COL4A3: variants seen among roughly 807,000 people sequenced by gnomAD.
COL4A3 encodes collagen alpha-3(IV) chain.
In COL4A3, 135 loss-of-function variants were observed where a neutral mutation model predicts 217.4. The ratio of observed to expected loss-of-function variants is 0.62; its 90% confidence interval spans 0.54 to 0.72. The LOEUF (loss-of-function observed/expected upper bound fraction) is 0.72, where lower values mean the gene tolerates loss of function less well. Among genes scored for constraint, COL4A3 ranks in the 30% least tolerant of loss-of-function variants. COL4A3 has a pLI of 0.00. For missense variants in COL4A3, 1,868 were observed against 2,119.9 expected, an observed-to-expected ratio of 0.88 and a Z score of 2.33; for synonymous variants, 690 against 736.3, an observed-to-expected ratio of 0.94 and a Z score of 1.02.
chr2:227,187,960 A>G (rs2066090967), intron 1 of COL4A3, among the ~76,000 whole-genome samples: 1 of 152,228 alleles, frequency 6.6e-6, no homozygotes, highest in African/African-American at 2.4e-5. Context: ...ATCACAGCAC[A>G]GTAGACTTGC....
At chr2:227,239,633 T>C (rs190614270) in intron 2 of COL4A3, among the ~76,000 whole-genome samples, 40 of 152,324 alleles carry the variant, frequency 2.6e-4, no homozygotes, top group African/African-American at 9.6e-4. Flanking sequence ...CTTTCCTGCA[T>C]CTCCTACACA....
rs192136928 is a variant in COL4A3, at chr2:227,199,724, C to T, written c.87+34911C>T. On this transcript the variant is annotated intron_variant, in intron 1 of 51. Coordinates refer to ENST00000396578, the MANE Select transcript of COL4A3 (RefSeq NM_000091.5). ...GACTAAACATTCATATCTGTGGCCC[C>T]AGCCCCAATTCAGTGAATCAGAATG... Among the ~76,000 whole-genome samples the T allele has an allele frequency of 7.4e-4, 113 of 152,302 alleles. 1 individual carries two copies. The highest frequency in any genetic ancestry group is 2.4e-3 in the African/African-American group (99 of 41,570).
intron 26 of COL4A3, among the ~76,000 whole-genome samples, chr2:227,274,387 T>C (rs939073896): frequency 1.3e-5 from 2 of 152,132 alleles, no homozygotes; most frequent in African/African-American, 4.8e-5. Context: ...ATGTTATAAA[T>C]GTATGCATCA....
intron 47 of COL4A3, among the ~76,000 whole-genome samples, chr2:227,306,505 T>A (rs528131806): frequency 6.6e-6 from 1 of 152,086 alleles, no homozygotes; most frequent in South Asian, 2.1e-4. Context: ...AAGAGAAAAA[T>A]GTGTCTCCCC....
intron 33 of COL4A3, 57 bp downstream of exon 33, chr2:227,283,913 T>C: frequency 6.9e-7 from 1 of 1,458,406 alleles, no homozygotes; most frequent in South Asian, 1.1e-5. Flanking sequence ...TTCATTTATT[T>C]TGCAGCAAAA....
chr2:227,273,185 G>T, intron 26 of COL4A3, 68 bp downstream of exon 26: 1 of 1,536,334 alleles, frequency 6.5e-7, no homozygotes, highest in Admixed American at 1.7e-5. Context: ...AGCTAACGAA[G>T]CTTCTCCAAG....
At chr2:227,197,204 G>C (rs1410421252) in intron 1 of COL4A3, among the ~76,000 whole-genome samples, 2 of 148,832 alleles carry the variant, frequency 1.3e-5, no homozygotes, top group Non-Finnish European at 2.9e-5. Flanking sequence ...CGGTTTTTTT[G>C]TTTTGTTTTG....
intron 1 of COL4A3, among the ~76,000 whole-genome samples, chr2:227,171,543 G>C (rs1400816325): frequency 6.6e-6 from 1 of 152,130 alleles, no homozygotes; most frequent in East Asian, 1.9e-4. Flanking sequence ...AGCTGTTGGC[G>C]TCTGTCTTAG....
At chr2:227,230,530 G>A (rs1002155570) in intron 1 of COL4A3, among the ~76,000 whole-genome samples, 2 of 151,948 alleles carry the variant, frequency 1.3e-5, no homozygotes, top group African/African-American at 4.8e-5. Context: ...TGGCCATCCT[G>A]GTTTTTTATG....
At chr2:227,244,289 G>A (rs1352588144) in intron 3 of COL4A3, 31 bp from the exon 4 acceptor site, 1 of 1,609,154 alleles carries the variant, frequency 6.2e-7, no homozygotes, top group Admixed American at 1.7e-5. Context: ...TTTTCAGAGT[G>A]TTTACTTTTT....
chr2:227,312,070 T>C lies in COL4A3; in HGVS notation c.*200T>C. 1 of 923,606 alleles carries C rather than the reference T, an allele frequency of 1.1e-6. No individual in the cohort carries two copies. The highest frequency in any genetic ancestry group is 1.6e-6 in the Non-Finnish European group (1 of 628,642). The allele number at this position is 923,606 out of a possible 1,614,324, so 57.2% of individuals were successfully genotyped here. A position where few individuals can be genotyped will look rare whatever the true frequency, so the allele number is the denominator to read the frequency against. On this transcript the variant is annotated 3_prime_UTR_variant, in exon 52 of 52. Coordinates refer to ENST00000396578, the MANE Select transcript of COL4A3 (RefSeq NM_000091.5). Reference sequence around the variant, plus strand: ...TGATCTGGGTCTCTAATCTGTGCTGTTTCAAAGTTCTCTGTGGCAAAGCAG... The same window carrying C: ...TGATCTGGGTCTCTAATCTGTGCTGCTTCAAAGTTCTCTGTGGCAAAGCAG...
rs1341847621 is a variant in COL4A3, at chr2:227,202,743, AAAAATATATAT to A, written c.88-35223_88-35213del. Among the ~76,000 whole-genome samples, 140 of 27,200 alleles carry A rather than the reference AAAAATATATAT, an allele frequency of 5.1e-3. 5 individuals carry two copies. Among genetic ancestry groups the A allele is most frequent in the East Asian group, 0.013 (8 of 630 alleles). The allele number at this position is 27,200 out of a possible 152,430, so 17.8% of individuals were successfully genotyped here. ...GTGCGAGAATCCGTCTCTAAAAAAAAAAAATATATATATATATATATATATATATCACATAT... is the reference window on the plus strand; with the variant it reads ...GTGCGAGAATCCGTCTCTAAAAAAAAATATATATATATATATATCACATAT... On this transcript the variant is annotated intron_variant, in intron 1 of 51. Coordinates refer to ENST00000396578, the MANE Select transcript of COL4A3 (RefSeq NM_000091.5).
At chr2:227,184,322 TCAG>T (rs2065947728) in intron 1 of COL4A3, among the ~76,000 whole-genome samples, 1 of 152,242 alleles carries the variant, frequency 6.6e-6, no homozygotes, top group Non-Finnish European at 1.5e-5. Flanking sequence ...TTATTGCTTA[TCAG>T]CAAACTGTGA....
At chr2:227,251,917 A>T (rs1232480057) in intron 11 of COL4A3, among the ~76,000 whole-genome samples, 2 of 151,742 alleles carry the variant, frequency 1.3e-5, no homozygotes, top group Admixed American at 6.6e-5. Flanking sequence ...AAAAATACAA[A>T]AATTAGCCGG....
chr2:227,267,479 T>A (rs1291458757), intron 23 of COL4A3, among the ~76,000 whole-genome samples: 1 of 152,236 alleles, frequency 6.6e-6, no homozygotes, highest in Non-Finnish European at 1.5e-5. Flanking sequence ...TTTTTCATGT[T>A]CCTACTTTTA....
chr2:227,208,795 CACACACACACAT>C (rs1339903336), intron 1 of COL4A3, among the ~76,000 whole-genome samples: 1 of 110,182 alleles, frequency 9.1e-6, no homozygotes, highest in East Asian at 2.0e-4. Flanking sequence ...CACACACACA[CACACACACACAT>C]ATATACAGAA....
At chr2:227,239,638 T>G (rs896311379) in intron 2 of COL4A3, among the ~76,000 whole-genome samples, 1 of 152,242 alleles carries the variant, frequency 6.6e-6, no homozygotes, top group Non-Finnish European at 1.5e-5. Flanking sequence ...CTGCATCTCC[T>G]ACACAAATAA....
chr2:227,266,563 T>C, intron 22 of COL4A3, 54 bp downstream of exon 22: 4 of 1,363,772 alleles, frequency 2.9e-6, no homozygotes, highest in East Asian at 2.3e-5. Flanking sequence ...TCGTCATTAT[T>C]ATCACTGATT....
intron 47 of COL4A3, chr2:227,305,652 G>A: frequency 1.1e-5 from 1 of 89,878 alleles, no homozygotes; most frequent in Non-Finnish European, 2.4e-5. Context: ...CTGGGTGACA[G>A]ACTCTGTCTC....
Sources: gnomAD v4.1 joint callset for allele counts (sites outside exome capture counted in the v4.1 genomes callset) on GRCh38, gnomAD v4.1.1 for gene constraint, MANE v1.5 for transcripts, NCBI Gene and HGNC (gene_info 2026-07-23, HGNC 2026-07-21) for gene names.